TRIM33: variants seen among roughly 807,000 people sequenced by gnomAD.
TRIM33 encodes the protein E3 ubiquitin-protein ligase TRIM33.
Under a neutral mutation model 125.4 loss-of-function variants are expected in TRIM33, and 20 were observed. The observed-to-expected ratio is 0.16, with a 90% CI of 0.11 to 0.23. TRIM33 has a LOEUF of 0.23. Ranked by LOEUF, TRIM33 falls within the 10% of genes least tolerant of loss-of-function variation. The pLI is 1.00. For missense variants in TRIM33, 920 were observed against 1,411.4 expected, an observed-to-expected ratio of 0.65 and a Z score of 5.58; for synonymous variants, 564 against 513.9, an observed-to-expected ratio of 1.10 and a Z score of -1.32.
intron 11 of TRIM33, chr1:114,420,419 A>G: frequency 7.5e-7 from 1 of 1,335,680 alleles, no homozygotes; most frequent in Non-Finnish European, 9.9e-7. Context: ...CTCCAAACTC[A>G]TACCAGGAGT....
intron 4 of TRIM33, among the ~76,000 whole-genome samples, chr1:114,456,793 T>C (rs1252687268): frequency 6.6e-6 from 1 of 152,018 alleles, no homozygotes; most frequent in Non-Finnish European, 1.5e-5. Context: ...TATCAGAAAC[T>C]GAAGACCAAG....
chr1:114,434,633 AG>A (rs1296400344), intron 4 of TRIM33, among the ~76,000 whole-genome samples: 1 of 152,218 alleles, frequency 6.6e-6, no homozygotes, highest in Non-Finnish European at 1.5e-5. Flanking sequence ...ATTATTTATT[AG>A]GTTTTTAAGT....
In TRIM33 at chr1:114,410,254, G is replaced by A. The variant is rs1305061603; in HGVS notation, c.2124C>T (p.His708=). 1.9e-6 allele frequency: 3 copies of A among 1,613,932 alleles called. No individual in the cohort carries two copies. Among genetic ancestry groups the A allele is most frequent in the South Asian group, 2.2e-5 (2 of 91,070 alleles). The change falls in exon 12 of 20, where the codon CAC becomes CAT. Residue 708 remains histidine (H), a synonymous_variant. Coordinates refer to ENST00000358465, the MANE Select transcript of TRIM33 (RefSeq NM_015906.4). The part of the protein sequence containing the change: ...NLLSRYISGS[H]LPPQPTSTMN... ...TGGTGCTTGTAGGCTGTGGGGGTAG[G>A]TGACTGCCTGAGATGTATCTACTTA...
intron 6 of TRIM33, among the ~76,000 whole-genome samples, chr1:114,428,711 A>G (rs1647745324): frequency 6.6e-6 from 1 of 152,372 alleles, no homozygotes; most frequent in Middle Eastern, 3.4e-3. Flanking sequence ...ATGGTTTACT[A>G]CATTTCTTTT....
intron 1 of TRIM33, among the ~76,000 whole-genome samples, chr1:114,471,990 C>A (rs1313417843): frequency 1.3e-5 from 2 of 152,126 alleles, no homozygotes; most frequent in Non-Finnish European, 2.9e-5. Flanking sequence ...TTTAGTTACG[C>A]TATTTAGTGT....
chr1:114,476,549 T>C (rs889690863), intron 1 of TRIM33, among the ~76,000 whole-genome samples: 9 of 151,894 alleles, frequency 5.9e-5, no homozygotes, highest in African/African-American at 2.2e-4. Flanking sequence ...AATATATACA[T>C]TACTGAAAAC....
At position 114,425,536 on chromosome 1, in the gene TRIM33, C is replaced by T; in HGVS notation, c.1608G>A (p.Met536Ile). Residue 536 changes from methionine (M) to isoleucine (I), a missense_variant, in exon 9 of 20, where the codon ATG (methionine) becomes ATA (isoleucine). Met to Ile is a conservative substitution (Grantham distance 10). Coordinates refer to ENST00000358465, the MANE Select transcript of TRIM33 (RefSeq NM_015906.4). ...QKHQQLQQMRMQQPPAPVPTT... is the reference protein window; with the variant it reads ...QKHQQLQQMRIQQPPAPVPTT... ...TTGGTACAGGTGCTGGTGGTTGCTG[C>T]ATCCTCATCTGTTGCAACTGCTGAT... is the stretch of plus-strand genomic sequence containing the variant. The T allele has an allele frequency of 1.9e-6, 3 of 1,614,114 alleles. No homozygotes were observed. The highest frequency in any genetic ancestry group is 1.6e-4 in the Middle Eastern group (1 of 6,062).
chr1:114,430,738 T>C lies in TRIM33; in HGVS notation c.1155+60A>G. On this transcript the variant is annotated intron_variant, in intron 6 of 19. Transcript: ENST00000358465. ...CATCTAAAATAGTTTTCAATAAACA[T>C]TAAAAACAGCTAAAGAGCAAGAGAA... 4.4e-6 allele frequency: 4 copies of C among 918,352 alleles called. No individual in the cohort carries two copies. In the South Asian group the frequency reaches 5.3e-5, roughly 12 times the overall value. 56.9% of individuals were successfully genotyped at this position (918,352 alleles called of 1,614,324 possible). A position where few individuals can be genotyped will look rare whatever the true frequency, so the allele number is the denominator to read the frequency against.
At chr1:114,480,893 T>C (rs997054485) in intron 1 of TRIM33, among the ~76,000 whole-genome samples, 4 of 152,090 alleles carry the variant, frequency 2.6e-5, no homozygotes, top group African/African-American at 4.8e-5. Context: ...GATAAAATCA[T>C]GAAAGCTGTT....
In TRIM33 at chr1:114,427,826, C is replaced by T; in HGVS notation, c.1224G>A (p.Gln408=). ...QQNDITGLSR[Q]VKHVMNFTNW... is the part of the protein sequence containing the mutation. ...TTGTGAAGTTCATAACATGCTTCAC[C>T]TGCCGGGAAAGGCCTGTGATGTCAT... Residue 408 remains glutamine, a synonymous_variant, in exon 7 of 20, where the codon CAG becomes CAA. Coordinates refer to ENST00000358465, the MANE Select transcript of TRIM33 (RefSeq NM_015906.4). 6.2e-7 allele frequency: 1 copy of T among 1,614,130 alleles called. No homozygotes were observed. The highest frequency in any genetic ancestry group is 1.1e-5 in the South Asian group (1 of 91,082).
chr1:114,475,215 A>C (rs545229362), intron 1 of TRIM33, among the ~76,000 whole-genome samples: 2 of 152,366 alleles, frequency 1.3e-5, no homozygotes, highest in South Asian at 4.1e-4. Context: ...AATTCCCAGA[A>C]GAAGAAATAA....
chr1:114,398,321 G>T (rs751796444), intron 18 of TRIM33, among the ~76,000 whole-genome samples: 2 of 152,120 alleles, frequency 1.3e-5, no homozygotes, highest in Admixed American at 1.3e-4. Context: ...TTAAAAAACT[G>T]ACAAACTTTC....
intron 1 of TRIM33, among the ~76,000 whole-genome samples, chr1:114,501,379 T>C (rs1017618982): frequency 2.6e-5 from 4 of 152,294 alleles, no homozygotes; most frequent in Non-Finnish European, 4.4e-5. Flanking sequence ...GCTGGGTCTT[T>C]GCAGAAGACC....
intron 1 of TRIM33, among the ~76,000 whole-genome samples, chr1:114,492,271 T>C (rs1315379537): frequency 2.6e-5 from 4 of 152,204 alleles, no homozygotes; most frequent in Non-Finnish European, 5.9e-5. Context: ...CAATAAAACG[T>C]ACTTTAAAAC....
rs906231132 is a variant in TRIM33 at position 114,411,189 on chromosome 1, C to T, written c.2062-873G>A. On this transcript the variant is annotated intron_variant, in intron 11 of 19. Coordinates refer to ENST00000358465, the MANE Select transcript of TRIM33 (RefSeq NM_015906.4). ...CTGAATAGCTAGGACTACAGGCATG[C>T]GCCACAACGCCTGGCTAATTTTTGT... Among the ~76,000 whole-genome samples the T allele has an allele frequency of 2.3e-4, 35 of 152,100 alleles. 1 individual carries two copies. Among genetic ancestry groups the T allele is most frequent in the Admixed American group, 1.7e-3 (26 of 15,280 alleles).
chr1:114,400,703 A>G (rs147594200), intron 17 of TRIM33, among the ~76,000 whole-genome samples: 1 of 152,292 alleles, frequency 6.6e-6, no homozygotes, highest in Non-Finnish European at 1.5e-5. Context: ...CTACCATTTA[A>G]TATTCTCTAA....
chr1:114,406,298 A>C (rs1352525760), intron 14 of TRIM33, among the ~76,000 whole-genome samples: 1 of 152,198 alleles, frequency 6.6e-6, no homozygotes, highest in Non-Finnish European at 1.5e-5. Context: ...TTGCTCTCTG[A>C]ATCTATATAT....
At chr1:114,419,451 G>T (rs1557853136) in intron 11 of TRIM33, among the ~76,000 whole-genome samples, 1 of 152,078 alleles carries the variant, frequency 6.6e-6, no homozygotes, top group Non-Finnish European at 1.5e-5. Context: ...ATAAAACAGG[G>T]ATATTACATA....
chr1:114,411,377 A>AT (rs1385805832), intron 11 of TRIM33, among the ~76,000 whole-genome samples: 2 of 152,318 alleles, frequency 1.3e-5, no homozygotes, highest in East Asian at 3.9e-4. Flanking sequence ...AGTAGGCAGT[A>AT]GGTTAGTTGG....
Sources: gnomAD v4.1 joint callset for allele counts (sites outside exome capture counted in the v4.1 genomes callset) on GRCh38, gnomAD v4.1.1 for gene constraint, MANE v1.5 for transcripts, NCBI Gene and HGNC (gene_info 2026-07-23, HGNC 2026-07-21) for gene names.